The following WFDC13 variants were observed in gnomAD, a reference collection of about 807,000 sequenced individuals.
The protein encoded by WFDC13 is WAP four-disulfide core domain 13, also known as WAP four-disulfide core domain protein 13.
Under a neutral mutation model 10.9 loss-of-function variants are expected in WFDC13, and 6 were observed. That is an observed-to-expected ratio of 0.55 (90% CI 0.30 to 1.09). The LOEUF is 1.09. Among genes scored for constraint, WFDC13 ranks in the 50% least tolerant of loss-of-function variants. The pLI, the probability that WFDC13 is intolerant of heterozygous loss-of-function variation, is 0.06. For missense variants in WFDC13, 104 were observed against 109.6 expected, an observed-to-expected ratio of 0.95 and a Z score of 0.23; for synonymous variants, 38 against 39.5, an observed-to-expected ratio of 0.96 and a Z score of 0.14.
In WFDC13 at chr20:45,702,208, C is replaced by A. The variant is rs1984190813; in HGVS notation, c.85C>A (p.Leu29Met). The A allele has an allele frequency of 6.2e-7, 1 of 1,611,522 alleles. No homozygotes were observed. Among genetic ancestry groups the A allele is most frequent in the African/African-American group, 1.3e-5 (1 of 74,878 alleles). ...LVPGSPKQRV[L>M]KYILEPPPCI... The stretch of plus-strand genomic sequence containing the variant: ...GCCTGGGAGTCCCAAGCAGCGTGTT[C>A]TGAGTAGGTGCTGGATCTGGGCCCA... Residue 29 changes from leucine (L) to methionine (M), a missense_variant, in exon 1 of 4, where the codon CTG becomes ATG. Transcript: ENST00000305479.
intron 2 of WFDC13, chr20:45,705,163 T>C: frequency 1.6e-6 from 1 of 617,742 alleles, no homozygotes; most frequent in South Asian, 2.0e-5. Context: ...ATCTTGCAAC[T>C]ATGTCTTTCT....
chr20:45,705,061 A>G (rs1984336782), intron 2 of WFDC13: 1 of 1,482,898 alleles, frequency 6.7e-7, no homozygotes. Flanking sequence ...TTGTCCAGAC[A>G]TTAACACTAG....
At chr20:45,704,687 C>CG in intron 2 of WFDC13, 93 bp downstream of exon 2, 1 of 1,333,344 alleles carries the variant, frequency 7.5e-7, no homozygotes, top group Non-Finnish European at 1.0e-6. Context: ...TGGATCTCTC[C>CG]TTTTTTTTTT....
chr20:45,707,832 G>A lies in WFDC13; in HGVS notation c.*23-26G>A, dbSNP rs182672423. On this transcript the variant is annotated intron_variant, in intron 3 of 3. Transcript: ENST00000305479. ...TTTAAAGAATCAAGAAGAATAAATG[G>A]ACTAATTATCTTTCCTTCCCCACAG... 6.6e-5 allele frequency: 10 copies of A among 152,308 alleles called. No homozygotes were observed. In the East Asian group the frequency reaches 1.9e-3, roughly 29 times the overall value. The allele number at this position is 152,308 out of a possible 1,614,324, so 9.4% of individuals were successfully genotyped here.
chr20:45,704,873 C>A, intron 2 of WFDC13: 2 of 1,594,010 alleles, frequency 1.3e-6, no homozygotes, highest in Non-Finnish European at 1.7e-6. Flanking sequence ...TATCCACAGA[C>A]CTTCCCCCGA....
In WFDC13 at chr20:45,708,702, T is replaced by C. The variant is rs1487596629; in HGVS notation, c.*867T>C. On this transcript the variant is annotated 3_prime_UTR_variant, in exon 4 of 4. Transcript: ENST00000305479. ...ATAAAGGTATTTAAAATAATAATAA[T>C]AAAGTGTTATTTTCCTGGGATTCAT... The C allele has an allele frequency of 2.0e-5, 3 of 152,206 alleles. No homozygotes were observed. Among genetic ancestry groups the C allele is most frequent in the Non-Finnish European group, 2.9e-5 (2 of 68,028 alleles). 9.4% of individuals were successfully genotyped at this position (152,206 alleles called of 1,614,324 possible).
rs1361469100 is a variant in WFDC13, at chr20:45,705,900, A to C, written c.277A>C (p.Asn93His). 6.2e-7 allele frequency: 1 copy of C among 1,614,102 alleles called. No homozygotes were observed. Among genetic ancestry groups the C allele is most frequent in the Admixed American group, 1.7e-5 (1 of 60,020 alleles). The change falls in exon 3 of 4, where the codon AAC becomes CAC. Residue 93 changes from asparagine to histidine, a missense_variant. By Grantham distance (68) the Asn-to-His change is moderately conservative. Transcript: ENST00000305479. Reference protein sequence around the residue: ...HKGSEVIMPAN With the variant: ...HKGSEVIMPAH ...GGGCTCAGAAGTCATCATGCCTGCCAACTGAGGCATATTTCCTAGATCATT... is the reference window on the plus strand; with the variant it reads ...GGGCTCAGAAGTCATCATGCCTGCCCACTGAGGCATATTTCCTAGATCATT...
rs766170733 is a variant in WFDC13, at chr20:45,705,162, C to T, written c.239+568C>T. Reference sequence around the variant, plus strand: ...TATGGTTTCTAATCCCATCTTGCAACTATGTCTTTCTATGACCTTGAGTAA... The same window carrying T: ...TATGGTTTCTAATCCCATCTTGCAATTATGTCTTTCTATGACCTTGAGTAA... On this transcript the variant is annotated intron_variant, in intron 2 of 3. Transcript: ENST00000305479. 4 of 617,770 alleles carry T rather than the reference C, an allele frequency of 6.5e-6. No homozygotes were observed. In the South Asian group the frequency reaches 8.0e-5, roughly 12 times the overall value. 38.3% of individuals were successfully genotyped at this position (617,770 alleles called of 1,614,324 possible). A position where few individuals can be genotyped will look rare whatever the true frequency, so the allele number is the denominator to read the frequency against.
rs1269138004 is a variant in WFDC13, at chr20:45,708,206, CA to C, written c.*372del. The C allele has an allele frequency of 6.6e-6, 1 of 152,204 alleles. No homozygotes were observed. Among genetic ancestry groups the C allele is most frequent in the Admixed American group, 6.5e-5 (1 of 15,272 alleles). 9.4% of individuals were successfully genotyped at this position (152,204 alleles called of 1,614,324 possible). ...CTGATTACCTGCCCTTGGTTGCACT[CA>C]TCAGGCTAATTGATCCCATATTTAA... On this transcript the variant is annotated 3_prime_UTR_variant, in exon 4 of 4. Coordinates refer to ENST00000305479, the MANE Select transcript of WFDC13 (RefSeq NM_172005.2).
chr20:45,704,121 C>G (rs1984288163), intron 1 of WFDC13, among the ~76,000 whole-genome samples: 1 of 152,210 alleles, frequency 6.6e-6, no homozygotes, highest in African/African-American at 2.4e-5. Context: ...TTCTTGTTCA[C>G]CACATACACC....
chr20:45,706,874 T>C (rs1291252395), intron 3 of WFDC13, among the ~76,000 whole-genome samples: 2 of 152,092 alleles, frequency 1.3e-5, no homozygotes, highest in Non-Finnish European at 2.9e-5. Context: ...ACCAAAAAAA[T>C]GATAGTATTC....
chr20:45,706,349 T>G (rs1203969051), intron 3 of WFDC13, among the ~76,000 whole-genome samples: 2 of 152,224 alleles, frequency 1.3e-5, no homozygotes, highest in African/African-American at 4.8e-5. Flanking sequence ...GAAGAAAACA[T>G]CCATGCCTTG....
Position 45,704,512 on chromosome 20 carries a change from G to A in WFDC13, c.157G>A (p.Glu53Lys). ...ENCTHLCTMQEDCEKGFQCCS... is the reference protein window; with the variant it reads ...ENCTHLCTMQKDCEKGFQCCS... ...CTGTACTCACCTGTGTACAATGCAG[G>A]AAGATTGCGAGAAAGGATTTCAGTG... Residue 53 changes from glutamate (E) to lysine (K), a missense_variant, in exon 2 of 4, where the codon GAA becomes AAA. Physicochemically the swap from Glu to Lys is moderately conservative, Grantham distance 56 (BLOSUM62 1). Coordinates refer to ENST00000305479, the MANE Select transcript of WFDC13 (RefSeq NM_172005.2). 1 of 1,614,158 alleles carries A rather than the reference G, an allele frequency of 6.2e-7. No homozygotes were observed. The highest frequency in any genetic ancestry group is 8.5e-7 in the Non-Finnish European group (1 of 1,180,022).
chr20:45,705,546 T>C (rs755138623), intron 2 of WFDC13, among the ~76,000 whole-genome samples: 3 of 152,242 alleles, frequency 2.0e-5, no homozygotes, highest in Non-Finnish European at 2.9e-5. Flanking sequence ...GAGGTTAAAA[T>C]AGACAATCCA....
At chr20:45,702,994 G>T (rs1223039473) in intron 1 of WFDC13, among the ~76,000 whole-genome samples, 1 of 152,196 alleles carries the variant, frequency 6.6e-6, no homozygotes, top group African/African-American at 2.4e-5. Flanking sequence ...AGGCATGCAG[G>T]TTTGTAGGAC....
rs914361263 is a variant in WFDC13, at chr20:45,708,148, G to A, written c.*313G>A. On this transcript the variant is annotated 3_prime_UTR_variant, in exon 4 of 4. Coordinates refer to ENST00000305479, the MANE Select transcript of WFDC13 (RefSeq NM_172005.2). ...GTGTGTGCCCTGGTGGTGGTCTTAA[G>A]GACCTACCACATCAACATCTGGACA... 2.6e-5 allele frequency: 4 copies of A among 152,168 alleles called. No homozygotes were observed. Among genetic ancestry groups the A allele is most frequent in the Non-Finnish European group, 5.9e-5 (4 of 68,058 alleles). The allele number at this position is 152,168 out of a possible 1,614,324, so 9.4% of individuals were successfully genotyped here.
chr20:45,704,668 CA>C, intron 2 of WFDC13, 74 bp downstream of exon 2: 1 of 1,553,038 alleles, frequency 6.4e-7, no homozygotes, highest in Non-Finnish European at 8.7e-7. Flanking sequence ...CCCTTACCAG[CA>C]ACTGTGCTGG....
At chr20:45,703,240 A>G (rs1404778681) in intron 1 of WFDC13, among the ~76,000 whole-genome samples, 1 of 152,112 alleles carries the variant, frequency 6.6e-6, no homozygotes, top group East Asian at 1.9e-4. Flanking sequence ...AAGCTCTTCA[A>G]AGTGTGGATT....
intron 3 of WFDC13, among the ~76,000 whole-genome samples, 160 bp downstream of exon 3, chr20:45,706,087 C>G (rs1328909787): frequency 6.6e-6 from 1 of 152,174 alleles, no homozygotes; most frequent in Non-Finnish European, 1.5e-5. Context: ...CAAGGGCTAT[C>G]TTTGCACTCC....
Sources: gnomAD v4.1 joint callset for allele counts (sites outside exome capture counted in the v4.1 genomes callset) on GRCh38, gnomAD v4.1.1 for gene constraint, MANE v1.5 for transcripts, NCBI Gene and HGNC (gene_info 2026-07-23, HGNC 2026-07-21) for gene names.